The following ANKRD30B variants were observed in gnomAD, a reference collection of about 807,000 sequenced individuals.
ANKRD30B encodes ankyrin repeat domain-containing protein 30B.
In ANKRD30B, 144 loss-of-function variants were observed where a neutral mutation model predicts 202.2. That is an observed-to-expected ratio of 0.71 (90% CI 0.62 to 0.82). The LOEUF is 0.82. Among genes scored for constraint, ANKRD30B ranks in the 40% least tolerant of loss-of-function variants. The pLI, the probability that ANKRD30B is intolerant of heterozygous loss-of-function variation, is 0.00. For missense variants in ANKRD30B, 1,487 were observed against 1,669.1 expected (o/e 0.89, Z 1.90); for synonymous variants, 508 against 561.3 (o/e 0.91, Z 1.34).
intron 42 of ANKRD30B, chr18:14,852,623 G>A (rs1455681994): frequency 1.8e-6 from 1 of 565,194 alleles, no homozygotes; most frequent in Non-Finnish European, 2.6e-6. Context: ...TTGTGTCACT[G>A]ATGAAATTAT....
At chr18:14,851,409 C>T in intron 41 of ANKRD30B, 100 bp from the exon 42 acceptor site, 4 of 1,280,352 alleles carry the variant, frequency 3.1e-6, no homozygotes, top group South Asian at 1.8e-5. Flanking sequence ...TATAAAAACC[C>T]TTTCATTGTA....
chr18:14,839,242 G>A (rs1971306608), intron 36 of ANKRD30B, among the ~76,000 whole-genome samples: 2 of 152,196 alleles, frequency 1.3e-5, no homozygotes, highest in African/African-American at 4.8e-5. Flanking sequence ...AACAGAGAAT[G>A]TTCCTTAAGA....
the ANKRD30B span, among the ~76,000 whole-genome samples, chr18:14,914,787 T>C: frequency 9.3e-3 from 1,409 of 152,088 alleles, 17 homozygotes; most frequent in Non-Finnish European, 0.014. Context: ...ATAAACTCTA[T>C]TGGGGGGTTG....
the ANKRD30B span, among the ~76,000 whole-genome samples, chr18:14,876,813 C>T: frequency 1.3e-5 from 2 of 152,134 alleles, no homozygotes; most frequent in East Asian, 3.8e-4. Flanking sequence ...ATGGGGATAC[C>T]CTTAAGTTCA....
intron 16 of ANKRD30B, among the ~76,000 whole-genome samples, chr18:14,795,076 A>G (rs1968784102): frequency 6.6e-6 from 1 of 152,244 alleles, no homozygotes; most frequent in South Asian, 2.1e-4. Flanking sequence ...TGTAGAATTC[A>G]TTCCTTGAAC....
downstream of ANKRD30B, among the ~76,000 whole-genome samples, chr18:14,855,706 G>A (rs1271866229): frequency 2.8e-4 from 41 of 148,742 alleles, no homozygotes; most frequent in African/African-American, 9.2e-4. Flanking sequence ...CTCCCAGACG[G>A]GGCGGCTGGG....
chr18:14,785,038 G>A (rs1967997332), intron 14 of ANKRD30B, among the ~76,000 whole-genome samples: 1 of 152,056 alleles, frequency 6.6e-6, no homozygotes, highest in Non-Finnish European at 1.5e-5. Flanking sequence ...GTCTGCGTGT[G>A]TTCCTGTGTG....
chr18:14,770,698 A>G (rs779482839), intron 8 of ANKRD30B, among the ~76,000 whole-genome samples: 6 of 152,174 alleles, frequency 3.9e-5, no homozygotes, highest in Non-Finnish European at 7.3e-5. Context: ...CACAGAAGAC[A>G]TTGGGAGTTA....
rs1969153447 is a variant in ANKRD30B, at chr18:14,799,276, C to T, written c.2112C>T (p.Asp704=). The change falls in exon 22 of 44, where the codon GAC becomes GAT. Residue 704 remains aspartate, a synonymous_variant. Coordinates refer to ENST00000690538, the MANE Select transcript of ANKRD30B (RefSeq NM_001367607.2). ...CAAATAAAGCTTTAGAATTGAAGGA[C>T]AGAGAAACATTCAAAGCAGGTAAAT... ...SLPNKALELK[D]RETFKAAQMF... is the part of the protein sequence containing the mutation. 2 of 1,542,878 alleles carry T rather than the reference C, an allele frequency of 1.3e-6. No individual in the cohort carries two copies. Among genetic ancestry groups the T allele is most frequent in the Non-Finnish European group, 1.7e-6 (2 of 1,146,278 alleles).
chr18:14,912,211 C>T, the ANKRD30B span, among the ~76,000 whole-genome samples: 47 of 152,232 alleles, frequency 3.1e-4, no homozygotes, highest in Non-Finnish European at 4.6e-4. Flanking sequence ...TTAGAGGAAA[C>T]GCTTTCAACT....
intron 32 of ANKRD30B, among the ~76,000 whole-genome samples, chr18:14,823,675 T>C (rs1445219729): frequency 6.6e-6 from 1 of 152,168 alleles, no homozygotes; most frequent in Non-Finnish European, 1.5e-5. Context: ...CATGCATGTT[T>C]AAAATATGTT....
intron 9 of ANKRD30B, among the ~76,000 whole-genome samples, chr18:14,772,709 GTTTT>G (rs34769482): frequency 8.8e-6 from 1 of 113,756 alleles, no homozygotes; most frequent in Non-Finnish European, 1.9e-5. Flanking sequence ...AGCATATAGG[GTTTT>G]TTTTTTTTTT....
rs184983107 is a variant in ANKRD30B at position 14,753,675 on chromosome 18, C to G, written c.510+663C>G. On this transcript the variant is annotated intron_variant, in intron 3 of 43. Transcript: ENST00000690538. ...GGGTTGACTTCTAGAATTTCGAAGACTTTTTAAACAATGATTTTTCTGTAT... is the reference window on the plus strand; with the variant it reads ...GGGTTGACTTCTAGAATTTCGAAGAGTTTTTAAACAATGATTTTTCTGTAT... Among the ~76,000 whole-genome samples, 150 of 152,164 alleles carry G rather than the reference C, an allele frequency of 9.9e-4. 1 individual carries two copies. Among genetic ancestry groups the G allele is most frequent in the Admixed American group, 2.7e-3 (41 of 15,276 alleles).
chr18:14,831,279 G>GT, intron 33 of ANKRD30B, 104 bp from the exon 34 acceptor site: 3 of 636,064 alleles, frequency 4.7e-6, no homozygotes, highest in Admixed American at 3.5e-5. Flanking sequence ...CCCAGATTTT[G>GT]TTTTTTGTTC....
At chr18:14,828,617 A>C (rs547405703) in intron 33 of ANKRD30B, among the ~76,000 whole-genome samples, 1 of 152,172 alleles carries the variant, frequency 6.6e-6, no homozygotes, top group African/African-American at 2.4e-5. Context: ...CCCCCTTGGC[A>C]TAGATTGATG....
At chr18:14,928,940 A>C in the ANKRD30B span, among the ~76,000 whole-genome samples, 1 of 152,190 alleles carries the variant, frequency 6.6e-6, no homozygotes, top group African/African-American at 2.4e-5. Flanking sequence ...TCCTTTACAC[A>C]GCTGCCATTC....
the ANKRD30B span, among the ~76,000 whole-genome samples, chr18:14,874,524 A>G: frequency 1.3e-5 from 2 of 152,226 alleles, no homozygotes; most frequent in East Asian, 1.9e-4. Context: ...ATAACATTCC[A>G]TTATGTAGAT....
chr18:14,918,118 A>G, the ANKRD30B span, among the ~76,000 whole-genome samples: 1 of 152,192 alleles, frequency 6.6e-6, no homozygotes, highest in Non-Finnish European at 1.5e-5. Flanking sequence ...GGCATGGCAT[A>G]AAGATGAGAC....
At chr18:14,909,118 G>A in the ANKRD30B span, among the ~76,000 whole-genome samples, 2 of 152,200 alleles carry the variant, frequency 1.3e-5, no homozygotes, top group Admixed American at 6.5e-5. Flanking sequence ...ATCAGGAGGG[G>A]CTGCATAGGA....
Sources: allele counts gnomAD v4.1 joint callset (sites outside exome capture counted in the v4.1 genomes callset), GRCh38; gene constraint gnomAD v4.1.1; transcripts MANE v1.5; gene names NCBI Gene and HGNC (gene_info 2026-07-23, HGNC 2026-07-21).